HMSD: variants seen among roughly 807,000 people sequenced by gnomAD.
The protein encoded by HMSD is serpin-like protein HMSD.
In HMSD, 13 loss-of-function variants were observed where a neutral mutation model predicts 10.0. The observed-to-expected ratio is 1.31, with a 90% CI of 0.85 to 2.08. The LOEUF (loss-of-function observed/expected upper bound fraction) is 2.08, where lower values mean the gene tolerates loss of function less well. Among genes scored for constraint, HMSD ranks in the 30% most tolerant of loss-of-function variants. HMSD has a pLI of 0.00. For synonymous variants in HMSD, 51 were observed against 54.2 expected (o/e 0.94, Z 0.26); for missense variants, 169 against 166.3 (o/e 1.02, Z -0.09).
intron 2 of HMSD, 146 bp from the exon 3 acceptor site, chr18:63,954,262 A>T: frequency 1.6e-6 from 1 of 620,704 alleles, no homozygotes; most frequent in Non-Finnish European, 2.7e-6. Context: ...TGCTTTTGAG[A>T]CACTCTCTAT....
chr18:63,956,736 C>G (rs959581948), intron 3 of HMSD, among the ~76,000 whole-genome samples: 2 of 152,018 alleles, frequency 1.3e-5, no homozygotes, highest in African/African-American at 4.8e-5. Context: ...TGAGTACATA[C>G]CTGAAGGAAT....
At chr18:63,956,522 C>G (rs1277816292) in intron 3 of HMSD, among the ~76,000 whole-genome samples, 1 of 152,096 alleles carries the variant, frequency 6.6e-6, no homozygotes, top group East Asian at 1.9e-4. Flanking sequence ...CAAATCAAAA[C>G]CATGATGAGA....
intron 2 of HMSD, 88 bp downstream of exon 2, chr18:63,953,615 C>T: frequency 9.3e-7 from 1 of 1,080,044 alleles, no homozygotes; most frequent in Non-Finnish European, 1.4e-6. Flanking sequence ...GAAGAAATTC[C>T]TCCTTTAACA....
intron 1 of HMSD, among the ~76,000 whole-genome samples, chr18:63,950,415 C>CAAAAAAAAAAAAAAAAAAAAAAAA (rs562421091): frequency 2.6e-5 from 1 of 39,056 alleles, no homozygotes; most frequent in African/African-American, 6.5e-5. Context: ...GACTCTCTCT[C>CAAAAAAAAAAAAAAAAAAAAAAAA]AAAAAAAAAA....
At position 63,955,806 on chromosome 18, in the gene HMSD, C is replaced by G. The variant is rs564696205; in HGVS notation, c.222+1249C>G. 2.6e-5 allele frequency among the ~76,000 whole-genome samples: 4 copies of G among 152,296 alleles called. No homozygotes were observed. In the East Asian group the frequency reaches 7.7e-4, roughly 29 times the overall value. On this transcript the variant is annotated intron_variant, in intron 3 of 3. Coordinates refer to ENST00000408945, the MANE Select transcript of HMSD (RefSeq NM_001123366.2). Reference sequence around the variant, plus strand: ...GAGCAGACAGGAATGAATCTGGGCACCAGCCTGTCTGGGATCAGTGCGGTC... The same window carrying G: ...GAGCAGACAGGAATGAATCTGGGCAGCAGCCTGTCTGGGATCAGTGCGGTC...
At chr18:63,949,424 G>C (rs2050317512) in intron 1 of HMSD, 24 bp downstream of exon 1, 1 of 152,408 alleles carries the variant, frequency 6.6e-6, no homozygotes, top group African/African-American at 2.4e-5. Flanking sequence ...TTTGGGAGTG[G>C]TTCCCACACG....
In HMSD at chr18:63,949,304, C is replaced by T. The variant is rs2050316454; in HGVS notation, c.-199C>T. On this transcript the variant is annotated 5_prime_UTR_variant, in exon 1 of 4. Transcript: ENST00000408945. Reference sequence around the variant, plus strand: ...GCCCGACTCCGCCCGCCTCCCCATTCACTGGGAACTAACACCCGGCGCCGC... The same window carrying T: ...GCCCGACTCCGCCCGCCTCCCCATTTACTGGGAACTAACACCCGGCGCCGC... The T allele has an allele frequency of 1.3e-5, 2 of 152,298 alleles. No homozygotes were observed. Among genetic ancestry groups the T allele is most frequent in the African/African-American group, 4.8e-5 (2 of 41,462 alleles). The allele number at this position is 152,298 out of a possible 1,614,324, so 9.4% of individuals were successfully genotyped here. A position where few individuals can be genotyped will look rare whatever the true frequency, so the allele number is the denominator to read the frequency against.
rs955776769 is a variant in HMSD at position 63,954,537 on chromosome 18, A to G, written c.202A>G (p.Lys68Glu). The G allele has an allele frequency of 2.5e-5, 41 of 1,611,822 alleles. No individual in the cohort carries two copies. The highest frequency in any genetic ancestry group is 3.4e-5 in the Non-Finnish European group (40 of 1,178,624). Residue 68 changes from lysine (K) to glutamate (E), a missense_variant, in exon 3 of 4, where the codon AAG becomes GAG. Lys to Glu is a moderately conservative substitution (Grantham distance 56). Transcript: ENST00000408945. ...LRTANGLFGE[K>E]SYDFLTGFTD... ...AACTGCCAACGGGCTCTTTGGAGAA[A>G]AGTCTTATGATTTCCTCACAGTAAG...
chr18:63,953,527 G>C lies in HMSD; in HGVS notation c.72G>C (p.Gln24His), dbSNP rs1210864980. ...GAAACACTGCAGCTCAGATGTCTCA[G>C]GTACGTAAAGCCACTTCAAGACAAC... The part of the protein sequence containing the change: ...AKGNTAAQMS[Q>H]ALCFSKIGGE... The change falls in exon 2 of 4, where the codon CAG becomes CAC. Residue 24 changes from glutamine (Q) to histidine (H), a missense_variant and splice_region_variant. Physicochemically the swap from Gln to His is conservative, Grantham distance 24. Coordinates refer to ENST00000408945, the MANE Select transcript of HMSD (RefSeq NM_001123366.2). The C allele has an allele frequency of 3.1e-6, 5 of 1,612,750 alleles. No homozygotes were observed. The Admixed American group carries it at 8.3e-5, about 27-fold the overall frequency.
At chr18:63,964,292 G>A (rs1203414797), downstream of HMSD, among the ~76,000 whole-genome samples, 1 of 152,172 alleles carries the variant, frequency 6.6e-6, no homozygotes, top group African/African-American at 2.4e-5. Flanking sequence ...AGCCAAGGTG[G>A]GCAGATCACC....
In HMSD at chr18:63,960,424, CG is replaced by C. The variant is rs2050380454; in HGVS notation, c.*70del. 3 of 1,500,560 alleles carry C rather than the reference CG, an allele frequency of 2.0e-6. No individual in the cohort carries two copies. Among genetic ancestry groups the C allele is most frequent in the Non-Finnish European group, 2.6e-6 (3 of 1,135,004 alleles). 93.0% of individuals were successfully genotyped at this position (1,500,560 alleles called of 1,614,324 possible). ...CCTTTCTTTGGAAATATTGCCAACT[CG>C]TAGACCTTTTCTCTAGCTTTAGCTT... On this transcript the variant is annotated 3_prime_UTR_variant, in exon 4 of 4. Coordinates refer to ENST00000408945, the MANE Select transcript of HMSD (RefSeq NM_001123366.2).
chr18:63,949,800 A>G (rs955672055), intron 1 of HMSD, among the ~76,000 whole-genome samples: 3 of 152,220 alleles, frequency 2.0e-5, no homozygotes, highest in African/African-American at 7.2e-5. Flanking sequence ...CAGGAAAAAC[A>G]ACAGCAGCAG....
At chr18:63,955,233 C>T (rs1353250193) in intron 3 of HMSD, among the ~76,000 whole-genome samples, 4 of 152,132 alleles carry the variant, frequency 2.6e-5, no homozygotes, top group Non-Finnish European at 5.9e-5. Context: ...TTGTTTTATA[C>T]TTTGTTAGCT....
downstream of HMSD, among the ~76,000 whole-genome samples, chr18:63,963,480 G>A (rs914260585): frequency 3.9e-5 from 6 of 152,020 alleles, no homozygotes; most frequent in African/African-American, 1.4e-4. Context: ...CCACCACCTC[G>A]GCCTCCCAAA....
At chr18:63,956,640 A>G (rs1050794664) in intron 3 of HMSD, among the ~76,000 whole-genome samples, 2 of 152,208 alleles carry the variant, frequency 1.3e-5, no homozygotes, top group Admixed American at 6.5e-5. Flanking sequence ...GGGAATGTAA[A>G]TTAGTTCAGC....
At position 63,960,617 on chromosome 18, in the gene HMSD, AG is replaced by A. The variant is rs2050381477; in HGVS notation, c.*264del. The A allele has an allele frequency of 2.7e-6, 1 of 366,082 alleles. No homozygotes were observed. The highest frequency in any genetic ancestry group is 4.8e-6 in the Non-Finnish European group (1 of 206,670). 22.7% of individuals were successfully genotyped at this position (366,082 alleles called of 1,614,324 possible). A position where few individuals can be genotyped will look rare whatever the true frequency, so the allele number is the denominator to read the frequency against. ...GGTATTGCCATACTGTATGGTTTAC[AG>A]GCTTGAAATGCAACTGCTGTGATCA... On this transcript the variant is annotated 3_prime_UTR_variant, in exon 4 of 4. Coordinates refer to ENST00000408945, the MANE Select transcript of HMSD (RefSeq NM_001123366.2).
Position 63,960,670 on chromosome 18 carries a change from A to C in HMSD, c.*315A>C. On this transcript the variant is annotated 3_prime_UTR_variant, in exon 4 of 4. Transcript: ENST00000408945. ...TGATAAGGGAACACACTGATGATTT[A>C]GATTGAACAGGGAGAGTTATATTGT... The C allele has an allele frequency of 4.0e-6, 1 of 249,588 alleles. No homozygotes were observed. Among genetic ancestry groups the C allele is most frequent in the Middle Eastern group, 1.5e-3 (1 of 684 alleles). 15.5% of individuals were successfully genotyped at this position (249,588 alleles called of 1,614,324 possible). A position where few individuals can be genotyped will look rare whatever the true frequency, so the allele number is the denominator to read the frequency against.
chr18:63,963,129 CTTTCCTTT>C (rs1215587215), downstream of HMSD, among the ~76,000 whole-genome samples: 1 of 123,624 alleles, frequency 8.1e-6, no homozygotes, highest in Non-Finnish European at 1.7e-5. Context: ...TTCTTTCTTT[CTTTCCTTT>C]CTTTCTTCTC....
At chr18:63,962,600 A>G (rs1383796246), downstream of HMSD, among the ~76,000 whole-genome samples, 2 of 152,170 alleles carry the variant, frequency 1.3e-5, no homozygotes, top group African/African-American at 4.8e-5. Context: ...TACCCCCTCC[A>G]GGAGTCCTGA....
Sources: allele counts gnomAD v4.1 joint callset (sites outside exome capture counted in the v4.1 genomes callset), GRCh38; gene constraint gnomAD v4.1.1; transcripts MANE v1.5; gene names NCBI Gene and HGNC (gene_info 2026-07-23, HGNC 2026-07-21).